The following WIPF1 variants were observed in gnomAD, a reference collection of about 807,000 sequenced individuals.
WIPF1 encodes the protein WAS/WASL interacting protein family member 1.
In WIPF1, 13 loss-of-function variants were observed where a neutral mutation model predicts 35.4. The ratio of observed to expected loss-of-function variants is 0.37; its 90% confidence interval spans 0.24 to 0.58. The LOEUF (loss-of-function observed/expected upper bound fraction) is 0.58. Ranked by LOEUF, WIPF1 falls within the 20% of genes least tolerant of loss-of-function variation. WIPF1 has a pLI of 0.74. For missense variants in WIPF1, 591 were observed against 667.0 expected, an observed-to-expected ratio of 0.89 and a Z score of 1.25; for synonymous variants, 267 against 266.3, an observed-to-expected ratio of 1.00 and a Z score of -0.02.
rs560617991 is a variant in WIPF1 at position 174,636,882 on chromosome 2, C to T, written c.-39+45892G>A. ...GTACTATCTACATGATTTAATACTG[C>T]TGGTGTTGCCCTTGATCACCTGGCT... On this transcript the variant is annotated intron_variant, in intron 1 of 8. Coordinates refer to the WIPF1 transcript ENST00000272746. Among the ~76,000 whole-genome samples, 3 of 152,316 alleles carry T rather than the reference C, an allele frequency of 2.0e-5. No homozygotes were observed. The South Asian group carries it at 6.2e-4, about 32-fold the overall frequency.
intron 1 of WIPF1, among the ~76,000 whole-genome samples, chr2:174,608,684 G>GTACA (rs1373319054): frequency 3.9e-5 from 6 of 152,134 alleles, no homozygotes; most frequent in African/African-American, 1.4e-4. Flanking sequence ...ATCCTGCCAG[G>GTACA]TACATACTTG....
intron 1 of WIPF1, among the ~76,000 whole-genome samples, chr2:174,673,104 C>T (rs1688055019): frequency 6.6e-6 from 1 of 152,162 alleles, no homozygotes; most frequent in Admixed American, 6.5e-5. Context: ...GTGCCAAAAC[C>T]ACAGTATGCC....
At position 174,561,417 on chromosome 2, in the gene WIPF1, A is replaced by G. The variant is rs1416614643; in HGVS notation, c.*1130T>C. 1 of 152,128 alleles carries G rather than the reference A, an allele frequency of 6.6e-6. No homozygotes were observed. Among genetic ancestry groups the G allele is most frequent in the Admixed American group, 6.5e-5 (1 of 15,274 alleles). 9.4% of individuals were successfully genotyped at this position (152,128 alleles called of 1,614,324 possible). A position where few individuals can be genotyped will look rare whatever the true frequency, so the allele number is the denominator to read the frequency against. ...CCAGAAAGGAACAAAGGCTGCTTCC[A>G]TTTCACAAGGCAGAAGTCCAGCTGA... On this transcript the variant is annotated 3_prime_UTR_variant, in exon 8 of 8. Transcript: ENST00000679041.
chr2:174,609,455 CTT>C (rs530281052), intron 1 of WIPF1, among the ~76,000 whole-genome samples: 22 of 152,302 alleles, frequency 1.4e-4, no homozygotes, highest in Admixed American at 1.2e-3. Context: ...TTACTGAAGT[CTT>C]TAACTCAAGA....
chr2:174,607,410 AT>A (rs1385766347), intron 1 of WIPF1, among the ~76,000 whole-genome samples: 1 of 152,124 alleles, frequency 6.6e-6, no homozygotes, highest in African/African-American at 2.4e-5. Context: ...CTCAAAAAAA[AT>A]AAAATAAAAT....
chr2:174,626,286 C>A (rs1201069316), intron 1 of WIPF1, among the ~76,000 whole-genome samples: 2 of 152,340 alleles, frequency 1.3e-5, no homozygotes, highest in East Asian at 1.9e-4. Flanking sequence ...AAAGAACATT[C>A]TCTCTCTGAT....
intron 1 of WIPF1, among the ~76,000 whole-genome samples, chr2:174,647,683 A>G (rs1190601968): frequency 1.3e-5 from 2 of 151,938 alleles, no homozygotes; most frequent in Non-Finnish European, 2.9e-5. Context: ...ACGGCATATG[A>G]ATTACATCTC....
In WIPF1 at chr2:174,560,110, T is replaced by C. The variant is rs1684447383; in HGVS notation, c.*2437A>G. 9 of 152,606 alleles carry C rather than the reference T, an allele frequency of 5.9e-5. No individual in the cohort carries two copies. Among genetic ancestry groups the C allele is most frequent in the Admixed American group, 5.9e-4 (9 of 15,276 alleles). 9.5% of individuals were successfully genotyped at this position (152,606 alleles called of 1,614,324 possible). ...TGAAAATGTTATAAAAAAACACACA[T>C]GTAAGCTCTGATTTCAGGGAAGAAA... On this transcript the variant is annotated 3_prime_UTR_variant, in exon 8 of 8. Transcript: ENST00000679041.
intron 1 of WIPF1, among the ~76,000 whole-genome samples, chr2:174,623,890 G>T (rs184968881): frequency 1.4e-3 from 210 of 152,258 alleles, no homozygotes; most frequent in Non-Finnish European, 1.7e-3. Flanking sequence ...AAAAACCCCT[G>T]TGTTAAAGGA....
chr2:174,616,088 GA>G (rs35699603), intron 1 of WIPF1, among the ~76,000 whole-genome samples: 1 of 151,884 alleles, frequency 6.6e-6, no homozygotes, highest in African/African-American at 2.4e-5. Flanking sequence ...CTGATACCAT[GA>G]AAAAAAATTC....
chr2:174,675,121 A>T (rs1688100689), intron 1 of WIPF1, among the ~76,000 whole-genome samples: 1 of 152,192 alleles, frequency 6.6e-6, no homozygotes, highest in Admixed American at 6.5e-5. Flanking sequence ...TAAGTAATAT[A>T]ATTCTATTTT....
chr2:174,623,232 C>T (rs1686731629), intron 1 of WIPF1, among the ~76,000 whole-genome samples: 1 of 152,280 alleles, frequency 6.6e-6, no homozygotes, highest in East Asian at 1.9e-4. Context: ...GTAGCTGAAA[C>T]CAATAAACAT....
intron 1 of WIPF1, among the ~76,000 whole-genome samples, chr2:174,591,895 C>T (rs1450593121): frequency 1.3e-5 from 2 of 152,182 alleles, no homozygotes; most frequent in Non-Finnish European, 2.9e-5. Context: ...ATGCAATGTT[C>T]GCTACAACGA....
chr2:174,648,657 G>T (rs1334449583), intron 1 of WIPF1, among the ~76,000 whole-genome samples: 3 of 152,176 alleles, frequency 2.0e-5, no homozygotes, highest in Non-Finnish European at 4.4e-5. Context: ...GAGATTTCTA[G>T]TAACTAGGTT....
At chr2:174,651,605 A>C (rs900655434) in intron 1 of WIPF1, among the ~76,000 whole-genome samples, 4 of 152,204 alleles carry the variant, frequency 2.6e-5, no homozygotes, top group African/African-American at 9.6e-5. Flanking sequence ...AATACAGCAC[A>C]CTTTGATGCA....
intron 1 of WIPF1, among the ~76,000 whole-genome samples, chr2:174,615,202 G>T (rs1434629321): frequency 1.3e-5 from 2 of 151,918 alleles, no homozygotes; most frequent in African/African-American, 4.8e-5. Flanking sequence ...GCTAGAATTT[G>T]GGCTTAAAAA....
intron 4 of WIPF1, chr2:174,574,978 C>T (rs773827463): frequency 1.1e-4 from 85 of 756,826 alleles, no homozygotes; most frequent in Middle Eastern, 9.1e-4. Flanking sequence ...GTACAGGTTA[C>T]CCCCAAAGAC....
At chr2:174,654,579 C>A (rs1220931586) in intron 1 of WIPF1, among the ~76,000 whole-genome samples, 1 of 151,892 alleles carries the variant, frequency 6.6e-6, no homozygotes, top group Non-Finnish European at 1.5e-5. Context: ...GTGGAACCAA[C>A]CCCCTTTCTC....
rs1359051046 is a variant in WIPF1 at position 174,562,183 on chromosome 2, C to G, written c.*364G>C. 3.2e-6 allele frequency: 5 copies of G among 1,550,442 alleles called. No individual in the cohort carries two copies. The Admixed American group carries it at 9.8e-5, about 30-fold the overall frequency. On this transcript the variant is annotated 3_prime_UTR_variant, in exon 8 of 8. Coordinates refer to ENST00000679041, the MANE Select transcript of WIPF1 (RefSeq NM_001375834.1). ...CATGCGAAAAAGGAACGGGAGAAAACAGCTCTCAGGGACTTTAATAATTAC... is the reference window on the plus strand; with the variant it reads ...CATGCGAAAAAGGAACGGGAGAAAAGAGCTCTCAGGGACTTTAATAATTAC...
Sources: gnomAD v4.1 joint callset for allele counts (sites outside exome capture counted in the v4.1 genomes callset) on GRCh38, gnomAD v4.1.1 for gene constraint, MANE v1.5 for transcripts, NCBI Gene and HGNC (gene_info 2026-07-23, HGNC 2026-07-21) for gene names.